Variants in NTPCR observed in about 807,000 individuals in gnomAD.
NTPCR encodes the protein cancer-related nucleoside-triphosphatase.
In NTPCR, 15 loss-of-function variants were observed where a neutral mutation model predicts 19.5. The observed-to-expected ratio is 0.77, with a 90% CI of 0.51 to 1.18. The LOEUF (loss-of-function observed/expected upper bound fraction) is 1.18. Among genes scored for constraint, NTPCR ranks in the 50% most tolerant of loss-of-function variants. The probability of loss-of-function intolerance (pLI) is 0.00; values close to 1 mark genes in which losing one functional copy is unlikely to be tolerated. For missense variants in NTPCR, 206 were observed against 240.4 expected (o/e 0.86, Z 0.95); for synonymous variants, 90 against 95.8 (o/e 0.94, Z 0.36).
chr1:232,982,642 C>T lies in NTPCR; in HGVS notation c.*4411C>T, dbSNP rs765365468. The T allele has an allele frequency of 2.0e-5, 3 of 152,286 alleles. No homozygotes were observed. Among genetic ancestry groups the T allele is most frequent in the Non-Finnish European group, 2.9e-5 (2 of 68,090 alleles). The allele number at this position is 152,286 out of a possible 1,614,324, so 9.4% of individuals were successfully genotyped here. ...TGCCTGCGCTGCCATTTCCTTCCAG[C>T]CTGGGTTTCTAGCTCTTTGGGGAGA... On this transcript the variant is annotated 3_prime_UTR_variant, in exon 5 of 5. Coordinates refer to ENST00000366628, the MANE Select transcript of NTPCR (RefSeq NM_032324.3).
intron 4 of NTPCR, among the ~76,000 whole-genome samples, chr1:232,975,481 G>A (rs1669099961): frequency 6.6e-6 from 1 of 152,192 alleles, no homozygotes; most frequent in Non-Finnish European, 1.5e-5. Context: ...GCAGGCAGGG[G>A]AAGAAATGCC....
rs753639426 is a variant in NTPCR, at chr1:232,970,016, T to C, written c.402T>C (p.Ser134=). 3 of 1,614,060 alleles carry C rather than the reference T, an allele frequency of 1.9e-6. No individual in the cohort carries two copies. Among genetic ancestry groups the C allele is most frequent in the Non-Finnish European group, 2.5e-6 (3 of 1,179,992 alleles). The change falls in exon 4 of 5, where the codon TCT becomes TCC. Residue 134 remains serine, a synonymous_variant. Coordinates refer to ENST00000366628, the MANE Select transcript of NTPCR (RefSeq NM_032324.3). ...TTCAAGCTGTTCGTCAGACGCTGTC[T>C]ACCCCAGGGACTATAATCCTTGGCA... The part of the protein sequence containing the change: ...LFIQAVRQTL[S]TPGTIILGTI...
Position 232,950,644 on chromosome 1 carries a change from C to T in NTPCR, c.-67C>T. 2 of 1,336,056 alleles carry T rather than the reference C, an allele frequency of 1.5e-6. No individual in the cohort carries two copies. Among genetic ancestry groups the T allele is most frequent in the South Asian group, 1.2e-5 (1 of 84,074 alleles). 82.8% of individuals were successfully genotyped at this position (1,336,056 alleles called of 1,614,324 possible). On this transcript the variant is annotated 5_prime_UTR_variant, in exon 1 of 5. Transcript: ENST00000366628. ...CCTGAGTCGCGACCCTGGTCCGGACCTGACCTGAATTGCGACCCCAACCTG... is the reference window on the plus strand; with the variant it reads ...CCTGAGTCGCGACCCTGGTCCGGACTTGACCTGAATTGCGACCCCAACCTG...
chr1:232,955,723 C>G lies in NTPCR; in HGVS notation c.197+4C>G. The G allele has an allele frequency of 6.2e-7, 1 of 1,613,002 alleles. No individual in the cohort carries two copies. The highest frequency in any genetic ancestry group is 8.5e-7 in the Non-Finnish European group (1 of 1,179,282). ...GGGGGCCTTTATCGAGAGTTGGGTA[C>G]TGATATTTCATTTCTGTGGTGTTCT... On this transcript the variant is annotated splice_donor_region_variant and intron_variant, in intron 2 of 4. Coordinates refer to ENST00000366628, the MANE Select transcript of NTPCR (RefSeq NM_032324.3).
chr1:232,951,429 G>C (rs1026030079), intron 1 of NTPCR, among the ~76,000 whole-genome samples: 1 of 152,184 alleles, frequency 6.6e-6, no homozygotes, highest in African/African-American at 2.4e-5. Flanking sequence ...CATCTGAGAA[G>C]CAGGATAGCG....
At position 232,958,599 on chromosome 1, in the gene NTPCR, C is replaced by T. The variant is rs752160885; in HGVS notation, c.294+2156C>T. 1.2e-4 allele frequency among the ~76,000 whole-genome samples: 18 copies of T among 152,316 alleles called. 1 individual carries two copies. The highest frequency in any genetic ancestry group is 4.1e-4 in the South Asian group (2 of 4,830). On this transcript the variant is annotated intron_variant, in intron 3 of 4. Transcript: ENST00000366628. ...CCACCAAGTTCTCCTTTTCTTCCTA[C>T]GCTGTGTTTCCTCCTCCCACCTCCT...
rs1458994686 is a variant in NTPCR at position 232,973,071 on chromosome 1, G to A, written c.504+2953G>A. 2.6e-5 allele frequency among the ~76,000 whole-genome samples: 4 copies of A among 152,192 alleles called. No individual in the cohort carries two copies. In the South Asian group the frequency reaches 6.2e-4, roughly 24 times the overall value. ...GGTAAGAAAATGAGCTATGAAAAGG[G>A]GTCAGAGTCAGCGTCCCCTTGCTAC... is the stretch of plus-strand genomic sequence containing the variant. On this transcript the variant is annotated intron_variant, in intron 4 of 4. Transcript: ENST00000366628.
chr1:232,967,163 T>C (rs1373805394), intron 3 of NTPCR: 1 of 152,228 alleles, frequency 6.6e-6, no homozygotes, highest in East Asian at 1.9e-4. Flanking sequence ...ACTTACTTAT[T>C]TCTTTGTTTC....
intron 2 of NTPCR, 99 bp from the exon 3 acceptor site, chr1:232,956,248 T>G: frequency 1.3e-6 from 1 of 793,580 alleles, no homozygotes; most frequent in South Asian, 1.5e-5. Context: ...TTAAGGATGA[T>G]TTAGCATATG....
At chr1:232,950,955 A>G (rs1459678150) in intron 1 of NTPCR, 2 of 534,688 alleles carry the variant, frequency 3.7e-6, no homozygotes, top group Admixed American at 3.7e-5. Flanking sequence ...GGATTAGAAC[A>G]CACTTGTGAG....
At chr1:232,967,945 G>A (rs1465060620) in intron 3 of NTPCR, 1 of 152,202 alleles carries the variant, frequency 6.6e-6, no homozygotes, top group Non-Finnish European at 1.5e-5. Flanking sequence ...TCATAGACAG[G>A]TGGTTGATAG....
intron 3 of NTPCR, chr1:232,967,750 T>C (rs1668859508): frequency 6.6e-6 from 1 of 152,238 alleles, no homozygotes; most frequent in Admixed American, 6.5e-5. Context: ...AAACTCATTT[T>C]GAGGTGCCAG....
At chr1:232,960,766 G>C (rs940282607) in intron 3 of NTPCR, among the ~76,000 whole-genome samples, 1 of 152,106 alleles carries the variant, frequency 6.6e-6, no homozygotes, top group Non-Finnish European at 1.5e-5. Flanking sequence ...GCCTCTAGTA[G>C]GGTTGACTGT....
intron 3 of NTPCR, chr1:232,964,354 A>T (rs893770557): frequency 6.6e-6 from 1 of 152,148 alleles, no homozygotes; most frequent in Non-Finnish European, 1.5e-5. Flanking sequence ...ATGTTTAGTG[A>T]TATTAATTTT....
chr1:232,969,901 A>G lies in NTPCR; in HGVS notation c.295-8A>G. 1 of 1,613,100 alleles carries G rather than the reference A, an allele frequency of 6.2e-7. No individual in the cohort carries two copies. The highest frequency in any genetic ancestry group is 1.1e-5 in the South Asian group (1 of 90,968). On this transcript the variant is annotated splice_region_variant and splice_polypyrimidine_tract_variant and intron_variant, in intron 3 of 4. Transcript: ENST00000366628. Reference sequence around the variant, plus strand: ...TGATGTCCCAGTGAAAGTCTTTGTCATTCTCAGGCCGACTGCAGCAGTGGC... The same window carrying G: ...TGATGTCCCAGTGAAAGTCTTTGTCGTTCTCAGGCCGACTGCAGCAGTGGC...
In NTPCR at chr1:232,982,596, C is replaced by T. The variant is rs1227875160; in HGVS notation, c.*4365C>T. The T allele has an allele frequency of 6.6e-6, 1 of 152,256 alleles. No individual in the cohort carries two copies. The highest frequency in any genetic ancestry group is 6.5e-5 in the Admixed American group (1 of 15,284). The allele number at this position is 152,256 out of a possible 1,614,324, so 9.4% of individuals were successfully genotyped here. On this transcript the variant is annotated 3_prime_UTR_variant, in exon 5 of 5. Coordinates refer to ENST00000366628, the MANE Select transcript of NTPCR (RefSeq NM_032324.3). ...CCCAGAGAAACGGGATGGAGGAGCA[C>T]CCAGGGTGCTCTTGCTCTCTTGCCT...
Position 232,978,196 on chromosome 1 carries a change from G to GA in NTPCR, c.539dup (p.Asp180GlufsTer78). On this transcript the variant is annotated frameshift_variant, in exon 5 of 5. Coordinates refer to ENST00000366628, the MANE Select transcript of NTPCR (RefSeq NM_032324.3). LOFTEE classifies it high-confidence loss of function. ...GGAAAACAGAAACCACCTTCTGCCA[G>GA]ATATCGTGACGTGCGTGCAGAGCAG... 6.2e-7 allele frequency: 1 copy of GA among 1,614,198 alleles called. No homozygotes were observed. Among genetic ancestry groups the GA allele is most frequent in the Non-Finnish European group, 8.5e-7 (1 of 1,180,012 alleles).
chr1:232,950,618 TCCTGAGTCGCGACCCTGGTCCGGACCTGA>T lies in NTPCR; in HGVS notation c.-87_-59del. On this transcript the variant is annotated 5_prime_UTR_variant, in exon 1 of 5. Transcript: ENST00000366628. Reference sequence around the variant, plus strand: ...GGGCCTGCGACACGCGGTGGGCGGGTCCTGAGTCGCGACCCTGGTCCGGACCTGACCTGAATTGCGACCCCAACCTGGAC... The same window carrying T: ...GGGCCTGCGACACGCGGTGGGCGGGTCCTGAATTGCGACCCCAACCTGGAC... 1 of 1,013,846 alleles carries T rather than the reference TCCTGAGTCGCGACCCTGGTCCGGACCTGA, an allele frequency of 9.9e-7. No individual in the cohort carries two copies. The highest frequency in any genetic ancestry group is 1.5e-6 in the Non-Finnish European group (1 of 650,822). 62.8% of individuals were successfully genotyped at this position (1,013,846 alleles called of 1,614,324 possible).
chr1:232,959,107 TC>T (rs1668597492), intron 3 of NTPCR, among the ~76,000 whole-genome samples: 1 of 152,154 alleles, frequency 6.6e-6, no homozygotes, highest in South Asian at 2.1e-4. Flanking sequence ...TGGCTCTGTG[TC>T]CCCACCCAAA....
Sources: allele counts gnomAD v4.1 joint callset (sites outside exome capture counted in the v4.1 genomes callset), GRCh38; gene constraint gnomAD v4.1.1; transcripts MANE v1.5; gene names NCBI Gene and HGNC (gene_info 2026-07-23, HGNC 2026-07-21).